Variants in SEPTIN14 observed in about 807,000 individuals in gnomAD.
SEPTIN14 encodes septin 14, also known as septin-14.
Under a neutral mutation model 53.6 loss-of-function variants are expected in SEPTIN14, and 40 were observed. That is an observed-to-expected ratio of 0.75 (90% CI 0.58 to 0.97). The LOEUF is 0.97. Ranked by LOEUF, SEPTIN14 falls within the 50% of genes least tolerant of loss-of-function variation. The pLI is 0.00. For missense variants in SEPTIN14, 471 were observed against 508.2 expected (o/e 0.93, Z 0.70); for synonymous variants, 138 against 166.8 (o/e 0.83, Z 1.33).
chr7:55,855,007 CTTTTTTTTTT>C (rs59769448), intron 2 of SEPTIN14, among the ~76,000 whole-genome samples: 2,125 of 136,848 alleles, frequency 0.016, 60 homozygotes, highest in African/African-American at 0.053. Flanking sequence ...AAGATCACAA[CTTTTTTTTTT>C]TTTTTTTTTG....
At chr7:55,830,357 T>A (rs1481511560) in intron 6 of SEPTIN14, among the ~76,000 whole-genome samples, 5 of 120,904 alleles carry the variant, frequency 4.1e-5, no homozygotes, top group African/African-American at 1.3e-4. Flanking sequence ...ATATTTTTTT[T>A]TTTTTTTGAG....
rs183264852 is a variant in SEPTIN14 at position 55,835,666 on chromosome 7, G to A, written c.559-1080C>T. ...TGTCCCATTTTCACTCTCTTGCCCC[G>A]CCTAGATGTGTTTGCAGATAGATTT... is the stretch of plus-strand genomic sequence containing the variant. On this transcript the variant is annotated intron_variant, in intron 5 of 9. Transcript: ENST00000388975. Among the ~76,000 whole-genome samples the A allele has an allele frequency of 3.8e-4, 58 of 151,932 alleles. 1 individual carries two copies. The highest frequency in any genetic ancestry group is 2.9e-3 in the South Asian group (14 of 4,806).
intron 9 of SEPTIN14, among the ~76,000 whole-genome samples, chr7:55,804,252 G>A (rs1469722610): frequency 6.7e-6 from 1 of 149,436 alleles, no homozygotes; most frequent in Non-Finnish European, 1.5e-5. Context: ...CTAAGCTAAT[G>A]GTTTGGTTTT....
chr7:55,849,685 G>T (rs983391696), intron 2 of SEPTIN14, among the ~76,000 whole-genome samples: 2 of 152,112 alleles, frequency 1.3e-5, no homozygotes, highest in Non-Finnish European at 2.9e-5. Context: ...GGCAGAGGTT[G>T]CGGTGAGCCG....
intron 5 of SEPTIN14, among the ~76,000 whole-genome samples, chr7:55,841,756 G>A (rs184300704): frequency 2.8e-4 from 43 of 151,636 alleles, no homozygotes; most frequent in African/African-American, 1.0e-3. Context: ...TCAGAAGGCT[G>A]AGGCAGGAGA....
intron 2 of SEPTIN14, among the ~76,000 whole-genome samples, chr7:55,858,390 C>T (rs1021580592): frequency 6.6e-6 from 1 of 152,206 alleles, no homozygotes; most frequent in African/African-American, 2.4e-5. Context: ...AAGAGACATA[C>T]TCTTTCTGAG....
chr7:55,817,476 A>ATT (rs938944299), intron 7 of SEPTIN14, among the ~76,000 whole-genome samples: 31 of 143,780 alleles, frequency 2.2e-4, no homozygotes, highest in African/African-American at 6.4e-4. Flanking sequence ...ATATATATAT[A>ATT]TTTTTTTTTT....
At chr7:55,809,098 C>T (rs1430168886) in intron 7 of SEPTIN14, among the ~76,000 whole-genome samples, 2 of 152,002 alleles carry the variant, frequency 1.3e-5, no homozygotes, top group African/African-American at 4.8e-5. Flanking sequence ...AGAACAAGAT[C>T]GTGTCCTTTG....
intron 5 of SEPTIN14, among the ~76,000 whole-genome samples, chr7:55,837,160 G>A (rs1789223596): frequency 6.8e-6 from 1 of 146,532 alleles, no homozygotes; most frequent in Non-Finnish European, 1.5e-5. Flanking sequence ...CTGTGGCCCT[G>A]TCTGCAGTGC....
chr7:55,832,614 T>G (rs1445555573), intron 6 of SEPTIN14, among the ~76,000 whole-genome samples: 1 of 152,138 alleles, frequency 6.6e-6, no homozygotes, highest in Non-Finnish European at 1.5e-5. Context: ...TGGATGGAGC[T>G]GGGGGCCATT....
intron 6 of SEPTIN14, among the ~76,000 whole-genome samples, chr7:55,820,698 G>T (rs577222041): frequency 4.7e-4 from 71 of 152,254 alleles, no homozygotes; most frequent in African/African-American, 1.6e-3. Context: ...CTAGCACTTT[G>T]GGAGGCCGAG....
At chr7:55,817,273 G>A (rs558640533) in intron 7 of SEPTIN14, among the ~76,000 whole-genome samples, 5 of 152,072 alleles carry the variant, frequency 3.3e-5, no homozygotes, top group Non-Finnish European at 7.4e-5. Context: ...AATGGTAAAT[G>A]ATCTCACTAA....
At chr7:55,820,967 C>A (rs529523694) in intron 6 of SEPTIN14, among the ~76,000 whole-genome samples, 2 of 152,182 alleles carry the variant, frequency 1.3e-5, no homozygotes, top group East Asian at 3.9e-4. Context: ...AGAAAATTAT[C>A]ATCTTTCAAA....
At chr7:55,854,493 G>T (rs1285742796) in intron 2 of SEPTIN14, among the ~76,000 whole-genome samples, 3 of 151,502 alleles carry the variant, frequency 2.0e-5, no homozygotes, top group Non-Finnish European at 4.4e-5. Flanking sequence ...GCAGTAGTGC[G>T]ATCTCGGCTC....
chr7:55,799,518 C>CAAAAAAAAA (rs59445168), intron 9 of SEPTIN14, among the ~76,000 whole-genome samples: 1 of 62,896 alleles, frequency 1.6e-5, no homozygotes. Flanking sequence ...ACTCTTGTCT[C>CAAAAAAAAA]AAAAAAAAAA....
intron 6 of SEPTIN14, among the ~76,000 whole-genome samples, chr7:55,822,591 G>A (rs1366782486): frequency 6.6e-6 from 1 of 151,950 alleles, no homozygotes; most frequent in African/African-American, 2.4e-5. Flanking sequence ...CCAGAAATAT[G>A]CCTACACAAA....
At chr7:55,846,065 G>GTGTATATATATATATA (rs1789398723) in intron 3 of SEPTIN14, among the ~76,000 whole-genome samples, 3 of 39,744 alleles carry the variant, frequency 7.5e-5, no homozygotes, top group East Asian at 7.0e-4. Context: ...AAAAAAAAAA[G>GTGTATATATATATATA]TATATATATA....
chr7:55,823,240 A>G (rs1337158425), intron 6 of SEPTIN14, among the ~76,000 whole-genome samples: 1 of 151,880 alleles, frequency 6.6e-6, no homozygotes, highest in Non-Finnish European at 1.5e-5. Context: ...TTTTTTTCAC[A>G]TTGTTGTGCC....
intron 4 of SEPTIN14, among the ~76,000 whole-genome samples, chr7:55,843,559 C>T (rs182573582): frequency 1.1e-3 from 174 of 152,248 alleles, no homozygotes; most frequent in African/African-American, 3.9e-3. Context: ...AATGGCCGGG[C>T]GCGGTGGCTC....
Sources: allele counts gnomAD v4.1 joint callset (sites outside exome capture counted in the v4.1 genomes callset), GRCh38; gene constraint gnomAD v4.1.1; transcripts MANE v1.5; gene names NCBI Gene and HGNC (gene_info 2026-07-23, HGNC 2026-07-21).